The following NFIL3 variants were observed in gnomAD, a reference collection of about 807,000 sequenced individuals.
The protein encoded by NFIL3 is nuclear factor interleukin-3-regulated protein.
In NFIL3, 5 loss-of-function variants were observed where a neutral mutation model predicts 10.0. That is an observed-to-expected ratio of 0.50 (90% CI 0.26 to 1.06). NFIL3 has a LOEUF of 1.06. Among genes scored for constraint, NFIL3 ranks in the 50% least tolerant of loss-of-function variants. NFIL3 has a pLI of 0.13. For synonymous variants in NFIL3, 202 were observed against 206.5 expected (o/e 0.98, Z 0.19); for missense variants, 436 against 547.6 (o/e 0.80, Z 2.03).
chr9:91,458,724 T>A, the NFIL3 span, among the ~76,000 whole-genome samples: 1 of 152,236 alleles, frequency 6.6e-6, no homozygotes, highest in South Asian at 2.1e-4. Flanking sequence ...CTTAATTTAA[T>A]GTTGTTCTAT....
the NFIL3 span, among the ~76,000 whole-genome samples, chr9:91,445,758 C>A: frequency 6.6e-6 from 1 of 152,100 alleles, no homozygotes; most frequent in Admixed American, 6.5e-5. Flanking sequence ...GGTTTGAGAT[C>A]CCAGAGCAGT....
the NFIL3 span, among the ~76,000 whole-genome samples, chr9:91,463,110 G>A: frequency 4.0e-5 from 6 of 151,562 alleles, no homozygotes; most frequent in African/African-American, 1.2e-4. Flanking sequence ...ATGGTTTATC[G>A]ATCTTATTGA....
Position 91,409,562 on chromosome 9 carries a change from C to A in NFIL3, c.1173G>T (p.Trp391Cys). 6.2e-7 allele frequency: 1 copy of A among 1,614,044 alleles called. No homozygotes were observed. Among genetic ancestry groups the A allele is most frequent in the Non-Finnish European group, 8.5e-7 (1 of 1,179,952 alleles). The change falls in exon 2 of 2, where the codon TGG becomes TGT. Residue 391 changes from tryptophan (W) to cysteine (C), a missense_variant. By Grantham distance (215) the Trp-to-Cys change is radical. Transcript: ENST00000297689. ...FSVQVTNIQD[W>C]SLKSEHWHQK... is the part of the protein sequence containing the mutation. ...GATGCCAGTGCTCCGATTTGAGAGA[C>A]CAATCTTGAATGTTAGTCACTTGCA...
chr9:91,417,068 T>C (rs919081579), intron 1 of NFIL3, among the ~76,000 whole-genome samples: 3 of 152,204 alleles, frequency 2.0e-5, no homozygotes, highest in African/African-American at 7.2e-5. Context: ...AGTCTAAACA[T>C]TAAAATCTAC....
At chr9:91,447,454 C>A in the NFIL3 span, among the ~76,000 whole-genome samples, 18 of 152,312 alleles carry the variant, frequency 1.2e-4, 1 homozygote, top group East Asian at 3.5e-3. Flanking sequence ...ATGCCAATGA[C>A]ACACAAGAGT....
chr9:91,435,816 C>A, the NFIL3 span, among the ~76,000 whole-genome samples: 1 of 152,182 alleles, frequency 6.6e-6, no homozygotes, highest in Non-Finnish European at 1.5e-5. Context: ...CAGGTACTAT[C>A]AGAACTCTTC....
chr9:91,455,721 A>C, the NFIL3 span, among the ~76,000 whole-genome samples: 1 of 152,168 alleles, frequency 6.6e-6, no homozygotes, highest in Non-Finnish European at 1.5e-5. Flanking sequence ...ACATTTTGAC[A>C]TACTTATAGA....
rs10608008 is a variant in NFIL3 at position 91,418,855 on chromosome 9, G to GT, written c.-173+4784dup. ...AGCCATATGAGAAACAGTTTTGGGT[G>GT]TTTTTTTTTTTTTTAACTACAGTAA... is the stretch of plus-strand genomic sequence containing the variant. On this transcript the variant is annotated intron_variant, in intron 1 of 1. Coordinates refer to ENST00000297689, the MANE Select transcript of NFIL3 (RefSeq NM_005384.3). Among the ~76,000 whole-genome samples, 603 of 147,326 alleles carry GT rather than the reference G, an allele frequency of 4.1e-3. 14 individuals are homozygous for GT. The highest frequency in any genetic ancestry group is 0.027 in the Admixed American group (401 of 14,864).
the NFIL3 span, among the ~76,000 whole-genome samples, chr9:91,483,212 C>A: frequency 2.0e-5 from 3 of 152,252 alleles, no homozygotes; most frequent in Non-Finnish European, 2.9e-5. Context: ...CTTCTCACCC[C>A]CTCCTTCTGT....
upstream of NFIL3, among the ~76,000 whole-genome samples, chr9:91,424,469 C>T (rs951370925): frequency 2.0e-5 from 3 of 152,118 alleles, no homozygotes. Context: ...ACACTCGGGG[C>T]GCGCTGCGGC....
the NFIL3 span, among the ~76,000 whole-genome samples, chr9:91,465,633 T>C: frequency 6.0e-3 from 918 of 152,228 alleles, 6 homozygotes; most frequent in Non-Finnish European, 9.2e-3. Context: ...TGTCTCCTTG[T>C]AGTGTGTGCA....
the NFIL3 span, among the ~76,000 whole-genome samples, chr9:91,465,620 C>T: frequency 6.6e-6 from 1 of 151,942 alleles, no homozygotes; most frequent in Non-Finnish European, 1.5e-5. Flanking sequence ...CCAGCGTTTG[C>T]TTTGTCTCCT....
chr9:91,474,275 T>C, the NFIL3 span, among the ~76,000 whole-genome samples: 1,416 of 152,302 alleles, frequency 9.3e-3, 8 homozygotes, highest in Non-Finnish European at 0.014. Context: ...TTGACCTGTC[T>C]TGCACACCTG....
At chr9:91,433,438 G>A in the NFIL3 span, among the ~76,000 whole-genome samples, 3 of 152,218 alleles carry the variant, frequency 2.0e-5, no homozygotes, top group African/African-American at 4.8e-5. Flanking sequence ...TATTCATCCA[G>A]TCTTTATTTA....
Position 91,410,713 on chromosome 9 carries a change from T to C in NFIL3, c.22A>G (p.Thr8Ala). Residue 8 changes from threonine to alanine, a missense_variant, in exon 2 of 2, where the codon ACC (threonine) becomes GCC (alanine). Around this residue, in one of 3 missense-constraint regions of NFIL3, gnomAD observed 76 missense variants for 73.0 expected, o/e 1.04. Transcript: ENST00000297689. This position sits in a 1 kb window ranked among gnomAD's most constrained non-coding sequence, Gnocchi z 5.7. Reference protein sequence around the residue: MQLRKMQTVKKEQASLDA... With the variant: MQLRKMQAVKKEQASLDA... The stretch of plus-strand genomic sequence containing the variant: ...AGAGACGCCTGCTCCTTTTTGACGG[T>C]CTGCATTTTTCTCAGCTGCATCAGA... The C allele has an allele frequency of 1.9e-6, 3 of 1,594,936 alleles. No individual in the cohort carries two copies. In the South Asian group the frequency reaches 3.4e-5, roughly 18 times the overall value.
At chr9:91,451,775 C>T in the NFIL3 span, among the ~76,000 whole-genome samples, 1 of 152,176 alleles carries the variant, frequency 6.6e-6, no homozygotes, top group East Asian at 1.9e-4. Flanking sequence ...TAAATTGGCC[C>T]TGCGGGATTC....
chr9:91,447,048 T>A, the NFIL3 span, among the ~76,000 whole-genome samples: 1 of 152,146 alleles, frequency 6.6e-6, no homozygotes, highest in African/African-American at 2.4e-5. Flanking sequence ...ACTCCCGACC[T>A]CAGGTTATCT....
chr9:91,456,984 C>T, the NFIL3 span, among the ~76,000 whole-genome samples: 1 of 152,042 alleles, frequency 6.6e-6, no homozygotes, highest in East Asian at 1.9e-4. Flanking sequence ...GTTGAAAAAA[C>T]TATATTTTAA....
chr9:91,455,523 AAC>A, the NFIL3 span, among the ~76,000 whole-genome samples: 3 of 152,156 alleles, frequency 2.0e-5, no homozygotes, highest in Non-Finnish European at 4.4e-5. Context: ...GATAAGCTCT[AAC>A]TTAAAAATTC....
Sources: allele counts gnomAD v4.1 joint callset (sites outside exome capture counted in the v4.1 genomes callset), GRCh38; gene constraint gnomAD v4.1.1; regional missense constraint gnomAD v4.1.1; non-coding constraint Gnocchi (gnomAD v3.1); transcripts MANE v1.5; gene names NCBI Gene and HGNC (gene_info 2026-07-23, HGNC 2026-07-21).